DLG2: variants seen among roughly 807,000 people sequenced by gnomAD.
DLG2 encodes disks large homolog 2.
In DLG2, 45 loss-of-function variants were observed where a neutral mutation model predicts 132.5. The observed-to-expected ratio is 0.34, with a 90% CI of 0.27 to 0.44. The LOEUF is 0.44. Among genes scored for constraint, DLG2 ranks in the 20% least tolerant of loss-of-function variants. The probability of loss-of-function intolerance (pLI) is 1.00; values close to 1 mark genes in which losing one functional copy is unlikely to be tolerated. For synonymous variants in DLG2, 424 were observed against 419.6 expected, an observed-to-expected ratio of 1.01 and a Z score of -0.13; for missense variants, 1,045 against 1,196.9, an observed-to-expected ratio of 0.87 and a Z score of 1.87.
chr11:84,342,261 C>T (rs1404740056), intron 7 of DLG2, among the ~76,000 whole-genome samples: 1 of 152,120 alleles, frequency 6.6e-6, no homozygotes, highest in African/African-American at 2.4e-5. Context: ...GTGAATTCCA[C>T]CCACTTGTTT....
chr11:85,285,602 A>G (rs2078504337), intron 3 of DLG2, among the ~76,000 whole-genome samples: 1 of 152,056 alleles, frequency 6.6e-6, no homozygotes, highest in South Asian at 2.1e-4. Context: ...TCAAAAAGTG[A>G]ATAAACTGTA....
chr11:84,848,697 T>G (rs1480158430), intron 6 of DLG2, among the ~76,000 whole-genome samples: 1 of 152,152 alleles, frequency 6.6e-6, no homozygotes, highest in Non-Finnish European at 1.5e-5. Flanking sequence ...TGATAAGATC[T>G]TGGACTTTAA....
At chr11:84,354,804 A>C (rs2154415960) in intron 7 of DLG2, among the ~76,000 whole-genome samples, 1 of 152,244 alleles carries the variant, frequency 6.6e-6, no homozygotes, top group South Asian at 2.1e-4. Context: ...GGTTGTCAAT[A>C]CTTCATGTGA....
intron 9 of DLG2, among the ~76,000 whole-genome samples, chr11:84,121,853 G>A (rs182268347): frequency 1.1e-4 from 17 of 151,346 alleles, no homozygotes; most frequent in African/African-American, 2.7e-4. Context: ...GAGCCACCGC[G>A]CCCAGCCTTT....
intron 18 of DLG2, among the ~76,000 whole-genome samples, chr11:83,636,048 C>T (rs2064760569): frequency 6.6e-6 from 1 of 152,098 alleles, no homozygotes; most frequent in African/African-American, 2.4e-5. Flanking sequence ...CTCTAAGTAC[C>T]ACTAAATCTC....
At chr11:84,440,679 T>C (rs1320335756) in intron 7 of DLG2, among the ~76,000 whole-genome samples, 1 of 152,214 alleles carries the variant, frequency 6.6e-6, no homozygotes, top group African/African-American at 2.4e-5. Flanking sequence ...CCTTTATAAT[T>C]TTATTTTTAA....
intron 6 of DLG2, among the ~76,000 whole-genome samples, chr11:84,646,005 G>A (rs925565648): frequency 1.3e-5 from 2 of 152,094 alleles, no homozygotes; most frequent in South Asian, 2.1e-4. Context: ...ATATCTTCCC[G>A]AAAACTTCTG....
At chr11:84,061,257 C>G (rs909083528) in intron 10 of DLG2, among the ~76,000 whole-genome samples, 1 of 152,078 alleles carries the variant, frequency 6.6e-6, no homozygotes, top group Admixed American at 6.6e-5. Context: ...TATCAGGAAG[C>G]CTTTTGGGGA....
intron 19 of DLG2, among the ~76,000 whole-genome samples, chr11:83,624,821 A>C (rs1260534326): frequency 6.6e-6 from 1 of 152,200 alleles, no homozygotes; most frequent in African/African-American, 2.4e-5. Flanking sequence ...AAATCAGTAC[A>C]AAGTATAAAA....
chr11:85,279,520 TCTC>T (rs1387203597), intron 4 of DLG2, among the ~76,000 whole-genome samples: 2 of 151,986 alleles, frequency 1.3e-5, no homozygotes, highest in Non-Finnish European at 2.9e-5. Context: ...AACACTCACT[TCTC>T]CTTTAAGGTT....
chr11:84,819,763 T>A (rs372468165), intron 6 of DLG2, among the ~76,000 whole-genome samples: 3 of 151,814 alleles, frequency 2.0e-5, no homozygotes, highest in African/African-American at 7.3e-5. Context: ...CCAAATGGCT[T>A]TGAAGCTCAG....
intron 21 of DLG2, among the ~76,000 whole-genome samples, chr11:83,487,799 A>C (rs185447185): frequency 6.6e-6 from 1 of 152,110 alleles, no homozygotes; most frequent in Admixed American, 6.6e-5. Flanking sequence ...TTTTATGATA[A>C]TGTAAAAAAG....
intron 6 of DLG2, among the ~76,000 whole-genome samples, chr11:84,829,183 T>A (rs1254922612): frequency 1.3e-5 from 2 of 151,732 alleles, no homozygotes; most frequent in Non-Finnish European, 3.0e-5. Flanking sequence ...TCTTCCTGTG[T>A]GAGGAATATA....
At chr11:84,497,493 A>C (rs2099188012) in intron 7 of DLG2, among the ~76,000 whole-genome samples, 1 of 151,994 alleles carries the variant, frequency 6.6e-6, no homozygotes, top group Non-Finnish European at 1.5e-5. Flanking sequence ...TCTAAGAGAG[A>C]TAGGGGATGA....
At position 84,442,559 on chromosome 11, in the gene DLG2, T is replaced by C. The variant is rs192836159; in HGVS notation, c.519+92011A>G. On this transcript the variant is annotated intron_variant, in intron 7 of 27. Coordinates refer to ENST00000376104, the MANE Select transcript of DLG2 (RefSeq NM_001142699.3). ...GCGGGAGGCTAGGGGAGGGATAGCA[T>C]TAGGAAAAATACCTAATGTAGATGA... is the stretch of plus-strand genomic sequence containing the variant. Among the ~76,000 whole-genome samples the C allele has an allele frequency of 4.6e-3, 706 of 152,084 alleles. 2 individuals are homozygous for C. The highest frequency in any genetic ancestry group is 7.5e-3 in the Non-Finnish European group (513 of 67,986).
At chr11:83,909,157 T>C (rs1490470193) in intron 15 of DLG2, among the ~76,000 whole-genome samples, 1 of 152,200 alleles carries the variant, frequency 6.6e-6, no homozygotes, top group Non-Finnish European at 1.5e-5. Context: ...GTTTAGGTGC[T>C]GGAATGACAA....
chr11:83,539,405 A>AT (rs1198885851), intron 20 of DLG2, among the ~76,000 whole-genome samples: 1 of 152,170 alleles, frequency 6.6e-6, no homozygotes, highest in African/African-American at 2.4e-5. Flanking sequence ...GAAATTAATG[A>AT]TTGAAAAATA....
intron 6 of DLG2, among the ~76,000 whole-genome samples, chr11:84,725,091 A>G (rs907651755): frequency 6.6e-5 from 10 of 152,306 alleles, no homozygotes; most frequent in African/African-American, 2.4e-4. Context: ...AATATTGATA[A>G]CAGTAATATA....
At chr11:84,830,574 A>G (rs1426933279) in intron 6 of DLG2, among the ~76,000 whole-genome samples, 2 of 151,452 alleles carry the variant, frequency 1.3e-5, no homozygotes, top group East Asian at 3.9e-4. Context: ...GTCCCAAGTG[A>G]CTCCAATATG....
Sources: allele counts gnomAD v4.1 joint callset (sites outside exome capture counted in the v4.1 genomes callset), GRCh38; gene constraint gnomAD v4.1.1; transcripts MANE v1.5; gene names NCBI Gene and HGNC (gene_info 2026-07-23, HGNC 2026-07-21).